Variants in NFAT5 observed in about 807,000 individuals in gnomAD.
NFAT5 encodes the protein nuclear factor of activated T cells 5, also known as nuclear factor of activated T-cells 5.
A neutral mutation model predicts 166.5 loss-of-function variants in NFAT5; 31 were observed. That is an observed-to-expected ratio of 0.19 (90% CI 0.14 to 0.25). NFAT5 has a LOEUF of 0.25. Ranked by LOEUF, NFAT5 falls within the 10% of genes least tolerant of loss-of-function variation. The probability of loss-of-function intolerance (pLI) is 1.00; values close to 1 mark genes in which losing one functional copy is unlikely to be tolerated. For missense variants in NFAT5, 1,449 were observed against 1,821.8 expected, an observed-to-expected ratio of 0.80 and a Z score of 3.72; for synonymous variants, 612 against 639.7, an observed-to-expected ratio of 0.96 and a Z score of 0.65.
intron 2 of NFAT5, among the ~76,000 whole-genome samples, chr16:69,579,869 C>G (rs1017054324): frequency 6.6e-6 from 1 of 152,020 alleles, no homozygotes; most frequent in Non-Finnish European, 1.5e-5. Context: ...ACTGTTTGTT[C>G]TTGTAAAATA....
intron 2 of NFAT5, among the ~76,000 whole-genome samples, chr16:69,623,486 C>G (rs1003262730): frequency 2.0e-5 from 3 of 151,526 alleles, no homozygotes; most frequent in Non-Finnish European, 4.4e-5. Context: ...TGTCACCACA[C>G]CCAGCTAATT....
At chr16:69,568,572 CA>C in intron 2 of NFAT5, 24 bp downstream of exon 2, 1 of 1,596,104 alleles carries the variant, frequency 6.3e-7, no homozygotes, top group Non-Finnish European at 8.6e-7. Flanking sequence ...CATTTTAAAG[CA>C]TATTGTGTTA....
intron 10 of NFAT5, among the ~76,000 whole-genome samples, chr16:69,680,232 G>GT (rs2037002365): frequency 6.6e-6 from 1 of 152,158 alleles, no homozygotes; most frequent in African/African-American, 2.4e-5. Flanking sequence ...AAGAAAGATG[G>GT]TATAATTAAT....
intron 2 of NFAT5, among the ~76,000 whole-genome samples, chr16:69,576,974 G>C (rs186389544): frequency 3.2e-4 from 48 of 152,320 alleles, no homozygotes; most frequent in Non-Finnish European, 5.4e-4. Flanking sequence ...ATTTCTGCTA[G>C]TATGTTTCAG....
intron 1 of NFAT5, among the ~76,000 whole-genome samples, chr16:69,567,192 G>T (rs1267738055): frequency 6.6e-6 from 1 of 152,112 alleles, no homozygotes; most frequent in East Asian, 1.9e-4. Context: ...TCCGTTCAAG[G>T]GCTGGTTGCA....
chr16:69,566,773 C>G lies in NFAT5; in HGVS notation c.73+399C>G, dbSNP rs1052353005. 6.6e-6 allele frequency among the ~76,000 whole-genome samples: 1 copy of G among 152,176 alleles called. No homozygotes were observed. Among genetic ancestry groups the G allele is most frequent in the African/African-American group, 2.4e-5 (1 of 41,450 alleles). ...CCGCGATCGGGGCGCCGCGTCTTCT[C>G]TTACCGGGACCCTCCTCCCCAGCAA... is the stretch of plus-strand genomic sequence containing the variant. On this transcript the variant is annotated intron_variant, in intron 1 of 14. Coordinates refer to ENST00000349945, the MANE Select transcript of NFAT5 (RefSeq NM_138713.4). This position sits in a 1 kb window ranked among gnomAD's most constrained non-coding sequence, Gnocchi z 5.7.
intron 2 of NFAT5, among the ~76,000 whole-genome samples, chr16:69,593,352 A>T (rs948306890): frequency 1.3e-5 from 2 of 152,072 alleles, no homozygotes; most frequent in African/African-American, 4.8e-5. Flanking sequence ...AAATTTTTTT[A>T]ATTTTAAGAC....
intron 2 of NFAT5, among the ~76,000 whole-genome samples, chr16:69,610,632 C>T (rs972774077): frequency 2.4e-4 from 36 of 152,178 alleles, no homozygotes; most frequent in African/African-American, 8.0e-4. Flanking sequence ...TGGGACCCAG[C>T]TTTAGCTAGT....
chr16:69,602,336 C>G (rs1368986148), intron 2 of NFAT5, among the ~76,000 whole-genome samples: 1 of 147,542 alleles, frequency 6.8e-6, no homozygotes, highest in Non-Finnish European at 1.5e-5. Flanking sequence ...AGGGTGCGAT[C>G]TCGGCTCACT....
In NFAT5 at chr16:69,566,052, T is replaced by A; in HGVS notation, c.-250T>A. ...GAAACGGACCCTTTGGCTCTCCCCCTTCCCCTTCCCCGTCCTGAACCCCTC... is the reference window on the plus strand; with the variant it reads ...GAAACGGACCCTTTGGCTCTCCCCCATCCCCTTCCCCGTCCTGAACCCCTC... On this transcript the variant is annotated 5_prime_UTR_variant, in exon 1 of 15. Transcript: ENST00000349945. This position sits in a 1 kb window ranked among gnomAD's most constrained non-coding sequence, Gnocchi z 5.7. The A allele has an allele frequency of 6.2e-6, 2 of 324,612 alleles. No homozygotes were observed. Among genetic ancestry groups the A allele is most frequent in the African/African-American group, 2.5e-5 (1 of 40,006 alleles). The allele number at this position is 324,612 out of a possible 1,614,324, so 20.1% of individuals were successfully genotyped here.
chr16:69,619,247 A>G (rs2034093401), intron 2 of NFAT5, among the ~76,000 whole-genome samples: 1 of 152,210 alleles, frequency 6.6e-6, no homozygotes, highest in Non-Finnish European at 1.5e-5. Flanking sequence ...AAAGAATAAG[A>G]ACTTAGACTT....
At chr16:69,660,840 C>T (rs8047885) in intron 7 of NFAT5, among the ~76,000 whole-genome samples, 38,981 of 150,420 alleles carry the variant, frequency 0.26, 5,488 homozygotes, top group East Asian at 0.45. Flanking sequence ...GATGGAGTTT[C>T]GCTTGTTGCC....
intron 9 of NFAT5, among the ~76,000 whole-genome samples, chr16:69,674,133 C>T (rs1004417806): frequency 5.3e-5 from 8 of 150,532 alleles, no homozygotes; most frequent in African/African-American, 2.0e-4. Flanking sequence ...ATCCCAGCTA[C>T]TTAGGAGGCT....
Position 69,647,179 on chromosome 16 carries a change from A to G in NFAT5, c.405A>G (p.Arg135=). 1 of 1,614,072 alleles carries G rather than the reference A, an allele frequency of 6.2e-7. No individual in the cohort carries two copies. Among genetic ancestry groups the G allele is most frequent in the Non-Finnish European group, 8.5e-7 (1 of 1,179,964 alleles). ...SCSSAVGVSN[R]GVSEKQLTSN... ...CCTCAGCCGTGGGGGTAAGTAACAG[A>G]GGGGTAAGTGAAAAGCAGTTAACCA... Residue 135 remains arginine, a synonymous_variant, in exon 4 of 15, where the codon AGA becomes AGG. Coordinates refer to ENST00000349945, the MANE Select transcript of NFAT5 (RefSeq NM_138713.4). The surrounding 1 kb of genome is among the most constrained non-coding windows in gnomAD (Gnocchi z 4.8).
intron 7 of NFAT5, among the ~76,000 whole-genome samples, chr16:69,667,278 T>C (rs2036429663): frequency 6.6e-6 from 1 of 151,768 alleles, no homozygotes; most frequent in East Asian, 1.9e-4. Context: ...CATATGTAAC[T>C]AACCTGCACA....
At chr16:69,585,073 C>T (rs1283290621) in intron 2 of NFAT5, among the ~76,000 whole-genome samples, 2 of 152,076 alleles carry the variant, frequency 1.3e-5, no homozygotes, top group African/African-American at 4.8e-5. Flanking sequence ...TCTCAGTTCA[C>T]TGCAACCTCT....
intron 2 of NFAT5, among the ~76,000 whole-genome samples, chr16:69,572,666 C>G (rs902492048): frequency 6.6e-5 from 10 of 151,228 alleles, no homozygotes; most frequent in African/African-American, 2.4e-4. Context: ...ATAGAAAAAT[C>G]ATAGATAAAA....
chr16:69,670,005 A>G lies in NFAT5; in HGVS notation c.1398A>G (p.Leu466=), dbSNP rs2036560180. 6.2e-7 allele frequency: 1 copy of G among 1,607,368 alleles called. No individual in the cohort carries two copies. Residue 466 remains leucine (L), a synonymous_variant, in exon 8 of 15, where the codon TTA becomes TTG. Transcript: ENST00000349945. ...AGCCAGCAGGAGTGCCAGAAATCTT[A>G]AAGAAAAGCTTGCATAGCTGTTCAG... The part of the protein sequence containing the change: ...CTQPAGVPEI[L]KKSLHSCSVK...
At chr16:69,661,335 A>C (rs1207956476) in intron 7 of NFAT5, among the ~76,000 whole-genome samples, 2 of 150,574 alleles carry the variant, frequency 1.3e-5, no homozygotes. Context: ...CTTATAATGG[A>C]AGTGTATTGA....
Sources: allele counts gnomAD v4.1 joint callset (sites outside exome capture counted in the v4.1 genomes callset), GRCh38; gene constraint gnomAD v4.1.1; non-coding constraint Gnocchi (gnomAD v3.1); transcripts MANE v1.5; gene names NCBI Gene and HGNC (gene_info 2026-07-23, HGNC 2026-07-21).